Variants in PPM1H observed in about 807,000 individuals in gnomAD.
PPM1H encodes the protein protein phosphatase, Mg2+/Mn2+ dependent 1H, also known as protein phosphatase 1H.
In PPM1H, 27 loss-of-function variants were observed where a neutral mutation model predicts 54.9. The observed-to-expected ratio is 0.49, with a 90% CI of 0.36 to 0.68. PPM1H has a LOEUF of 0.68. Ranked by LOEUF, PPM1H falls within the 30% of genes least tolerant of loss-of-function variation. The pLI is 0.00. For missense variants in PPM1H, 596 were observed against 667.8 expected, an observed-to-expected ratio of 0.89 and a Z score of 1.19; for synonymous variants, 305 against 270.8, an observed-to-expected ratio of 1.13 and a Z score of -1.24.
chr12:62,885,178 A>G (rs1017574317), intron 1 of PPM1H, among the ~76,000 whole-genome samples: 1 of 152,172 alleles, frequency 6.6e-6, no homozygotes, highest in African/African-American at 2.4e-5. Flanking sequence ...CCATGGTTCA[A>G]TGATCTCCCC....
chr12:62,780,134 G>T (rs2076632909), intron 4 of PPM1H, among the ~76,000 whole-genome samples: 1 of 152,214 alleles, frequency 6.6e-6, no homozygotes, highest in South Asian at 2.1e-4. Flanking sequence ...AAGCCAGCCA[G>T]TCAGAAACAT....
rs181857432 is a variant in PPM1H at position 62,755,997 on chromosome 12, C to T, written c.870-18411G>A. The T allele has an allele frequency of 1.2e-5, 16 of 1,361,704 alleles. No homozygotes were observed. The African/African-American group carries it at 1.9e-4, about 16-fold the overall frequency. The allele number at this position is 1,361,704 out of a possible 1,614,324, so 84.4% of individuals were successfully genotyped here. On this transcript the variant is annotated intron_variant, in intron 4 of 9. Coordinates refer to ENST00000228705, the MANE Select transcript of PPM1H (RefSeq NM_020700.2). ...CTGGAAAAACTGCCAAATATGATGA[C>T]ATCAAGAAGGTGGTGAAGCAGGCGT...
intron 4 of PPM1H, among the ~76,000 whole-genome samples, chr12:62,758,009 T>C (rs1265202053): frequency 6.6e-6 from 1 of 152,222 alleles, no homozygotes; most frequent in Non-Finnish European, 1.5e-5. Flanking sequence ...AGACAGTCAT[T>C]GTAATTTGAA....
intron 8 of PPM1H, among the ~76,000 whole-genome samples, chr12:62,679,478 C>G (rs182038784): frequency 1.3e-5 from 2 of 152,088 alleles, no homozygotes; most frequent in East Asian, 1.9e-4. Context: ...AACAAAGTAT[C>G]CTTAGAACTC....
In PPM1H at chr12:62,647,043, GGAA is replaced by G. The variant is rs1390822940; in HGVS notation, c.*1443_*1445del. The G allele has an allele frequency of 6.6e-6, 1 of 152,178 alleles. No homozygotes were observed. The highest frequency in any genetic ancestry group is 1.5e-5 in the Non-Finnish European group (1 of 68,046). The allele number at this position is 152,178 out of a possible 1,614,324, so 9.4% of individuals were successfully genotyped here. On this transcript the variant is annotated 3_prime_UTR_variant, in exon 10 of 10. Coordinates refer to ENST00000228705, the MANE Select transcript of PPM1H (RefSeq NM_020700.2). The stretch of plus-strand genomic sequence containing the variant: ...GTGGCAATACCTCAGTAGCTCAGCA[GGAA>G]GAAGACTAGGTAATTTTGTGGCCGT...
chr12:62,926,531 AT>A (rs1306140251), intron 1 of PPM1H, among the ~76,000 whole-genome samples: 3 of 152,252 alleles, frequency 2.0e-5, no homozygotes, highest in African/African-American at 7.2e-5. Flanking sequence ...AAGTTAAAAA[AT>A]GAACATGTTA....
intron 6 of PPM1H, among the ~76,000 whole-genome samples, chr12:62,710,133 TATG>T (rs1272788561): frequency 1.3e-5 from 2 of 151,946 alleles, no homozygotes; most frequent in African/African-American, 4.8e-5. Context: ...CATAGTCCTA[TATG>T]ATGAAATCCT....
intron 8 of PPM1H, among the ~76,000 whole-genome samples, chr12:62,671,535 C>T (rs953704750): frequency 6.6e-6 from 1 of 152,140 alleles, no homozygotes; most frequent in Non-Finnish European, 1.5e-5. Context: ...ACTGACAAAG[C>T]CTCTCACAAC....
At chr12:62,792,219 T>A (rs977890547) in intron 3 of PPM1H, among the ~76,000 whole-genome samples, 8 of 152,186 alleles carry the variant, frequency 5.3e-5, no homozygotes, top group African/African-American at 1.9e-4. Context: ...GGTAAAGAGC[T>A]CAGCACTAAA....
intron 6 of PPM1H, among the ~76,000 whole-genome samples, chr12:62,706,995 G>A (rs186257203): frequency 2.8e-4 from 43 of 152,254 alleles, no homozygotes; most frequent in Admixed American, 5.9e-4. Context: ...GAGCTTTGAC[G>A]TTCAAAGTGC....
intron 9 of PPM1H, among the ~76,000 whole-genome samples, chr12:62,662,413 G>A (rs914092577): frequency 6.6e-6 from 1 of 152,172 alleles, no homozygotes; most frequent in Non-Finnish European, 1.5e-5. Flanking sequence ...CACCTGAGCT[G>A]AATTATATCA....
At chr12:62,897,031 G>A (rs1038532478) in intron 1 of PPM1H, among the ~76,000 whole-genome samples, 15 of 145,778 alleles carry the variant, frequency 1.0e-4, no homozygotes, top group South Asian at 2.2e-4. Flanking sequence ...ATTCTCACTC[G>A]CAGGTGGGAA....
At chr12:62,666,958 C>T (rs970974108) in intron 9 of PPM1H, among the ~76,000 whole-genome samples, 6 of 152,208 alleles carry the variant, frequency 3.9e-5, no homozygotes, top group Admixed American at 1.3e-4. Flanking sequence ...ATGATTCACC[C>T]GCCTTGGCCC....
chr12:62,731,260 G>A (rs2076319165), intron 5 of PPM1H, among the ~76,000 whole-genome samples: 2 of 152,136 alleles, frequency 1.3e-5, no homozygotes, highest in Non-Finnish European at 2.9e-5. Context: ...AGGTGGGACT[G>A]GAGTGGATTT....
At chr12:62,917,403 G>GT (rs1201735289) in intron 1 of PPM1H, among the ~76,000 whole-genome samples, 1 of 152,002 alleles carries the variant, frequency 6.6e-6, no homozygotes, top group Non-Finnish European at 1.5e-5. Context: ...GGAAGGGTCA[G>GT]TAAGAGCTTT....
chr12:62,772,533 G>T (rs1370909113), intron 4 of PPM1H, among the ~76,000 whole-genome samples: 1 of 152,050 alleles, frequency 6.6e-6, no homozygotes, highest in Non-Finnish European at 1.5e-5. Context: ...GTTACTAAAA[G>T]GGACTAACAT....
chr12:62,878,087 TG>T (rs1327049019), intron 1 of PPM1H, among the ~76,000 whole-genome samples: 11 of 151,954 alleles, frequency 7.2e-5, no homozygotes, highest in Non-Finnish European at 1.6e-4. Context: ...TTAGTAGAGA[TG>T]GGGGTTTCAC....
At chr12:62,681,931 T>C (rs1279404561) in intron 8 of PPM1H, among the ~76,000 whole-genome samples, 2 of 152,234 alleles carry the variant, frequency 1.3e-5, no homozygotes, top group Non-Finnish European at 2.9e-5. Flanking sequence ...TCATATGTCA[T>C]TCAGTTTTTT....
intron 2 of PPM1H, among the ~76,000 whole-genome samples, chr12:62,822,608 T>C (rs1003140266): frequency 2.0e-5 from 3 of 152,136 alleles, no homozygotes; most frequent in African/African-American, 7.2e-5. Context: ...ACCGCTCAAC[T>C]ACATGGAAAC....
Sources: allele counts gnomAD v4.1 joint callset (sites outside exome capture counted in the v4.1 genomes callset), GRCh38; gene constraint gnomAD v4.1.1; transcripts MANE v1.5; gene names NCBI Gene and HGNC (gene_info 2026-07-23, HGNC 2026-07-21).